The following GSTA2 variants were observed in gnomAD, a reference collection of about 807,000 sequenced individuals.
GSTA2 encodes the protein glutathione S-transferase A2.
A neutral mutation model predicts 22.4 loss-of-function variants in GSTA2; 27 were observed. That is an observed-to-expected ratio of 1.21 (90% CI 0.89 to 1.67). The LOEUF is 1.67. Among genes scored for constraint, GSTA2 ranks in the 40% most tolerant of loss-of-function variants. GSTA2 has a pLI of 0.00. For missense variants in GSTA2, 302 were observed against 260.2 expected (o/e 1.16, Z -1.11); for synonymous variants, 121 against 86.8 (o/e 1.39, Z -2.19).
chr6:52,760,281 A>G (rs1026203664), intron 1 of GSTA2, among the ~76,000 whole-genome samples: 3 of 152,226 alleles, frequency 2.0e-5, no homozygotes, highest in Admixed American at 2.0e-4. Context: ...ATTTTATCTT[A>G]CATAATATTT....
rs1311061090 is a variant in GSTA2 at position 52,750,350 on chromosome 6, T to A, written c.*227A>T. The A allele has an allele frequency of 2.9e-6, 1 of 344,960 alleles. No individual in the cohort carries two copies. The allele number at this position is 344,960 out of a possible 1,614,324, so 21.4% of individuals were successfully genotyped here. A position where few individuals can be genotyped will look rare whatever the true frequency, so the allele number is the denominator to read the frequency against. On this transcript the variant is annotated 3_prime_UTR_variant, in exon 7 of 7. Transcript: ENST00000493422. ...ACTGAATTTGTAATTCCAAGAAAAT[T>A]GTTGGCTAGGAGGAGATTGGAAAAC...
At chr6:52,754,264 G>A (rs770377764) in intron 4 of GSTA2, among the ~76,000 whole-genome samples, 1 of 152,074 alleles carries the variant, frequency 6.6e-6, no homozygotes, top group Admixed American at 6.5e-5. Context: ...CTGGGTCATC[G>A]GTAATACCAT....
rs770565473 is a variant in GSTA2 at position 52,754,961 on chromosome 6, T to C, written c.254A>G (p.Asp85Gly). 1 of 1,613,934 alleles carries C rather than the reference T, an allele frequency of 6.2e-7. No individual in the cohort carries two copies. Among genetic ancestry groups the C allele is most frequent in the East Asian group, 2.2e-5 (1 of 44,882 alleles). ...ACCGTACAGGGCTTTCTCCTTTATG[T>C]CTTTCCCATAGAGGTTGTATTTGCT... is the stretch of plus-strand genomic sequence containing the variant. ...IASKYNLYGKDIKEKALIDMY... is the reference protein window; with the variant it reads ...IASKYNLYGKGIKEKALIDMY... Residue 85 changes from aspartate to glycine, a missense_variant, in exon 4 of 7, where the codon GAC (aspartate) becomes GGC (glycine). Transcript: ENST00000493422.
rs749039100 is a variant in GSTA2, at chr6:52,750,735, A to C, written c.547-36T>G. ...CAAAGCACAGCCTCACTAAAACAACAAGTCAAGGGCTGACACCCCCATTAA... is the reference window on the plus strand; with the variant it reads ...CAAAGCACAGCCTCACTAAAACAACCAGTCAAGGGCTGACACCCCCATTAA... On this transcript the variant is annotated intron_variant, in intron 6 of 6. Coordinates refer to ENST00000493422, the MANE Select transcript of GSTA2 (RefSeq NM_000846.5). 3.1e-6 allele frequency: 5 copies of C among 1,609,362 alleles called. No individual in the cohort carries two copies. The African/African-American group carries it at 6.7e-5, about 22-fold the overall frequency.
At chr6:52,755,854 C>A (rs1006479255) in intron 3 of GSTA2, among the ~76,000 whole-genome samples, 3 of 150,798 alleles carry the variant, frequency 2.0e-5, no homozygotes, top group Non-Finnish European at 4.4e-5. Context: ...CAGTCCCACT[C>A]CCCCCATGAA....
chr6:52,750,901 C>T (rs1236572406), intron 6 of GSTA2, among the ~76,000 whole-genome samples: 2 of 152,194 alleles, frequency 1.3e-5, no homozygotes, highest in East Asian at 1.9e-4. Context: ...CCAAAGATGT[C>T]TTGAAATTTT....
In GSTA2 at chr6:52,751,682, G is replaced by A. The variant is rs747127031; in HGVS notation, c.441C>T (p.Tyr147=). 7 of 1,614,148 alleles carry A rather than the reference G, an allele frequency of 4.3e-6. No individual in the cohort carries two copies. The Admixed American group carries it at 6.7e-5, about 15-fold the overall frequency. The change falls in exon 6 of 7, where the codon TAC becomes TAT. Residue 147 remains tyrosine (Y), a synonymous_variant. Transcript: ENST00000493422. ...EKVLKSHGQD[Y]LVGNKLSRAD... The stretch of plus-strand genomic sequence containing the variant: ...CCCGGCTCAGCTTGTTGCCAACAAG[G>A]TAGTCTTGTCCGTGGCTCTTTAAGA...
chr6:52,754,043 G>A (rs1434920205), intron 4 of GSTA2, among the ~76,000 whole-genome samples: 2 of 152,194 alleles, frequency 1.3e-5, no homozygotes, highest in Non-Finnish European at 2.9e-5. Context: ...CTTGTAGCAT[G>A]CATTCGTACT....
At chr6:52,758,063 A>G in intron 1 of GSTA2, 86 bp from the exon 2 acceptor site, 1 of 777,398 alleles carries the variant, frequency 1.3e-6, no homozygotes, top group Admixed American at 2.6e-5. Flanking sequence ...AAAACCACAA[A>G]CAATGCTGAA....
chr6:52,759,573 T>TA (rs1762915466), intron 1 of GSTA2, among the ~76,000 whole-genome samples: 1 of 44,562 alleles, frequency 2.2e-5, no homozygotes, highest in Non-Finnish European at 3.6e-5. Context: ...GTTTTTTTTT[T>TA]TTTTTTTTTT....
chr6:52,762,169 A>G (rs1476649739), intron 1 of GSTA2, among the ~76,000 whole-genome samples: 1 of 152,210 alleles, frequency 6.6e-6, no homozygotes, highest in African/African-American at 2.4e-5. Flanking sequence ...GTATTGTCCA[A>G]GGTTTCTCCC....
At chr6:52,759,706 T>C (rs1489210163) in intron 1 of GSTA2, among the ~76,000 whole-genome samples, 1 of 148,836 alleles carries the variant, frequency 6.7e-6, no homozygotes, top group Non-Finnish European at 1.5e-5. Context: ...TGCCTCAGCA[T>C]CCTGAGTAGC....
rs1762713661 is a variant in GSTA2 at position 52,750,414 on chromosome 6, T to C, written c.*163A>G. On this transcript the variant is annotated 3_prime_UTR_variant, in exon 7 of 7. Coordinates refer to ENST00000493422, the MANE Select transcript of GSTA2 (RefSeq NM_000846.5). ...GATCCTAATGAGAAGAAATCAATTTTAACTAAGTGGGTGAATAGGAGTTGT... is the reference window on the plus strand; with the variant it reads ...GATCCTAATGAGAAGAAATCAATTTCAACTAAGTGGGTGAATAGGAGTTGT... 1.6e-6 allele frequency: 1 copy of C among 606,742 alleles called. No homozygotes were observed. The highest frequency in any genetic ancestry group is 2.7e-6 in the Non-Finnish European group (1 of 369,634). The allele number at this position is 606,742 out of a possible 1,614,324, so 37.6% of individuals were successfully genotyped here.
In GSTA2 at chr6:52,757,937, T is replaced by C. The variant is rs1762878473; in HGVS notation, c.11A>G (p.Lys4Arg). ...TATATTGGAGTAGTGGAGCTTGGGC[T>C]TCTCTGCCATGGTAGCAGTCTCCTG... Reference protein sequence around the residue: MAEKPKLHYSNIRG... With the variant: MAERPKLHYSNIRG... Residue 4 changes from lysine (K) to arginine (R), a missense_variant, in exon 2 of 7, where the codon AAG becomes AGG. Transcript: ENST00000493422. 1 of 1,613,262 alleles carries C rather than the reference T, an allele frequency of 6.2e-7. No individual in the cohort carries two copies. The highest frequency in any genetic ancestry group is 2.2e-5 in the East Asian group (1 of 44,874).
chr6:52,754,815 C>T (rs1450206416), intron 4 of GSTA2, 128 bp downstream of exon 4: 4 of 1,223,498 alleles, frequency 3.3e-6, no homozygotes, highest in African/African-American at 3.0e-5. Flanking sequence ...AATACTGGAC[C>T]TCAGCGTGCA....
At chr6:52,754,870 TC>T (rs1457946133) in intron 4 of GSTA2, 72 bp downstream of exon 4, 4 of 1,601,088 alleles carry the variant, frequency 2.5e-6, no homozygotes, top group East Asian at 2.2e-5. Context: ...CCTGCCATGG[TC>T]CCACCCACTC....
Position 52,752,902 on chromosome 6 carries a change from G to A in GSTA2, c.366C>T (p.Ala122=). The A allele has an allele frequency of 6.2e-7, 1 of 1,614,066 alleles. No individual in the cohort carries two copies. Among genetic ancestry groups the A allele is most frequent in the South Asian group, 1.1e-5 (1 of 91,078 alleles). ...SQPEEQDAKL[A]LIQEKTKNRY... ...GATTTTTTGTTTTCTCTTGGATCAA[G>A]GCAAGCTTGGCATCTTGTTCCTCAG... The change falls in exon 5 of 7, where the codon GCC becomes GCT. Residue 122 remains alanine (A), a synonymous_variant. Transcript: ENST00000493422.
At position 52,757,909 on chromosome 6, in the gene GSTA2, C is replaced by T. The variant is rs146322588; in HGVS notation, c.39G>A (p.Arg13=). The change falls in exon 2 of 7, where the codon CGG becomes CGA. Residue 13 remains arginine, a synonymous_variant. Coordinates refer to ENST00000493422, the MANE Select transcript of GSTA2 (RefSeq NM_000846.5). ...GCCACCGGATGGACTCCATTCTGCC[C>T]CGTATATTGGAGTAGTGGAGCTTGG... The part of the protein sequence containing the change: ...EKPKLHYSNI[R]GRMESIRWLL... 1.9e-6 allele frequency: 3 copies of T among 1,613,580 alleles called. No individual in the cohort carries two copies. Among genetic ancestry groups the T allele is most frequent in the Non-Finnish European group, 8.5e-7 (1 of 1,179,732 alleles).
At chr6:52,756,966 G>A (rs1221011169) in intron 2 of GSTA2, among the ~76,000 whole-genome samples, 3 of 148,162 alleles carry the variant, frequency 2.0e-5, no homozygotes, top group Non-Finnish European at 4.5e-5. Flanking sequence ...GTGGCATTGG[G>A]GAATGCTTGT....
Sources: gnomAD v4.1 joint callset for allele counts (sites outside exome capture counted in the v4.1 genomes callset) on GRCh38, gnomAD v4.1.1 for gene constraint, MANE v1.5 for transcripts, NCBI Gene and HGNC (gene_info 2026-07-23, HGNC 2026-07-21) for gene names.